The following UGP2 variants were observed in gnomAD, a reference collection of about 807,000 sequenced individuals.
UGP2 encodes the protein UDP-glucose pyrophosphorylase 2, also known as UTP--glucose-1-phosphate uridylyltransferase.
In UGP2, 40 loss-of-function variants were observed where a neutral mutation model predicts 49.0. The observed-to-expected ratio is 0.82, with a 90% CI of 0.63 to 1.06. The LOEUF (loss-of-function observed/expected upper bound fraction) is 1.06, where lower values mean the gene tolerates loss of function less well. Ranked by LOEUF, UGP2 falls within the 50% of genes least tolerant of loss-of-function variation. The probability of loss-of-function intolerance (pLI) is 0.00; values close to 1 mark genes in which losing one functional copy is unlikely to be tolerated. For synonymous variants in UGP2, 225 were observed against 213.0 expected (o/e 1.06, Z -0.49); for missense variants, 460 against 603.5 (o/e 0.76, Z 2.49).
chr2:63,841,571 C>G (rs920125353), upstream of UGP2: 1 of 152,258 alleles, frequency 6.6e-6, no homozygotes, highest in Non-Finnish European at 1.5e-5. Flanking sequence ...CCCGACCGGT[C>G]GGCCAGCCAG....
chr2:63,845,446 G>T (rs989124601), intron 1 of UGP2, among the ~76,000 whole-genome samples: 1 of 146,278 alleles, frequency 6.8e-6, no homozygotes, highest in Non-Finnish European at 1.5e-5. Context: ...AGAACTAAAA[G>T]AAAAAAGGCA....
chr2:63,850,760 T>C (rs776145270), intron 1 of UGP2, among the ~76,000 whole-genome samples: 23 of 152,206 alleles, frequency 1.5e-4, no homozygotes, highest in Non-Finnish European at 2.6e-4. Context: ...TCTATACTTA[T>C]CTTAACTCTG....
intron 1 of UGP2, chr2:63,855,670 T>G (rs1048579565): frequency 1.4e-5 from 6 of 441,588 alleles, no homozygotes; most frequent in Admixed American, 1.2e-4. Context: ...GCCTTCCAAG[T>G]AGCTGGGAAT....
intron 7 of UGP2, among the ~76,000 whole-genome samples, chr2:63,886,854 G>A (rs1016900846): frequency 6.6e-6 from 1 of 152,178 alleles, no homozygotes; most frequent in African/African-American, 2.4e-5. Flanking sequence ...CTTTGCATGA[G>A]TTTTCTGAAC....
intron 1 of UGP2, among the ~76,000 whole-genome samples, chr2:63,849,648 C>T (rs1378504527): frequency 6.6e-6 from 1 of 152,090 alleles, no homozygotes; most frequent in African/African-American, 2.4e-5. Context: ...GTTGAGCTGC[C>T]GGTTTTCATT....
chr2:63,842,649 CT>C, intron 1 of UGP2: 3 of 1,410,164 alleles, frequency 2.1e-6, no homozygotes, highest in Non-Finnish European at 2.8e-6. Flanking sequence ...TCCGCTTCTA[CT>C]TCGTTTGTGT....
At chr2:63,860,572 G>C (rs1406352721) in intron 3 of UGP2, among the ~76,000 whole-genome samples, 1 of 151,928 alleles carries the variant, frequency 6.6e-6, no homozygotes, top group Non-Finnish European at 1.5e-5. Flanking sequence ...CATTTCAGAT[G>C]ATCACTTTTA....
chr2:63,846,135 C>T (rs561336126), intron 1 of UGP2: 14 of 152,332 alleles, frequency 9.2e-5, no homozygotes, highest in African/African-American at 3.4e-4. Flanking sequence ...CTTCCTTGCT[C>T]CAGGGATTGT....
intron 3 of UGP2, among the ~76,000 whole-genome samples, chr2:63,872,028 A>T (rs1047985792): frequency 1.3e-5 from 2 of 152,264 alleles, no homozygotes; most frequent in Non-Finnish European, 2.9e-5. Flanking sequence ...CGTAGACTAT[A>T]TGTAAACGAA....
At chr2:63,879,534 A>G (rs940666029) in intron 3 of UGP2, among the ~76,000 whole-genome samples, 1 of 152,212 alleles carries the variant, frequency 6.6e-6, no homozygotes, top group African/African-American at 2.4e-5. Flanking sequence ...TAATGACAAG[A>G]TGGGTCATAC....
chr2:63,859,380 A>G (rs780299462), intron 3 of UGP2, among the ~76,000 whole-genome samples: 1 of 152,086 alleles, frequency 6.6e-6, no homozygotes, highest in Non-Finnish European at 1.5e-5. Context: ...GACAGAGCCT[A>G]CTTGAAGGAA....
intron 1 of UGP2, among the ~76,000 whole-genome samples, chr2:63,852,118 G>C (rs1308482152): frequency 2.8e-5 from 4 of 142,546 alleles, no homozygotes. Flanking sequence ...TCTGGGCCTG[G>C]TGCCATCTCT....
intron 2 of UGP2, among the ~76,000 whole-genome samples, chr2:63,857,317 G>T (rs1465650396): frequency 6.7e-6 from 1 of 148,662 alleles, no homozygotes. Flanking sequence ...AAAAAAAAAA[G>T]TACAGAGCCA....
In UGP2 at chr2:63,856,298, GT is replaced by G. The variant is rs778704781; in HGVS notation, c.20-4del. The G allele has an allele frequency of 1.9e-6, 3 of 1,608,798 alleles. No individual in the cohort carries two copies. The African/African-American group carries it at 4.0e-5, about 22-fold the overall frequency. ...TTTCAGTTGGTGGTTTTATGTTTTT[GT>G]TTTAAGATCTTAGCAAAGCAATGTC... On this transcript the variant is annotated splice_polypyrimidine_tract_variant and splice_region_variant and intron_variant, in intron 1 of 9. Coordinates refer to ENST00000337130, the MANE Select transcript of UGP2 (RefSeq NM_006759.4).
Position 63,885,827 on chromosome 2 carries a change from A to G in UGP2, c.814A>G (p.Asn272Asp). 1 of 1,604,824 alleles carries G rather than the reference A, an allele frequency of 6.2e-7. No individual in the cohort carries two copies. Among genetic ancestry groups the G allele is most frequent in the African/African-American group, 1.3e-5 (1 of 74,406 alleles). The stretch of plus-strand genomic sequence containing the variant: ...TCTTAATCATCTAATGAACCCACCC[A>G]ATGGAAAACGCTGTGAATTTGTCAT... ...YILNHLMNPP[N>D]GKRCEFVMEV... is the part of the protein sequence containing the mutation. The change falls in exon 6 of 10, where the codon AAT (asparagine) becomes GAT (aspartate). Residue 272 changes from asparagine to aspartate, a missense_variant. Asn to Asp is a conservative substitution (Grantham distance 23). Around this residue, in one of 2 missense-constraint regions of UGP2, gnomAD observed 317 missense variants for 473.0 expected, o/e 0.67. Coordinates refer to ENST00000337130, the MANE Select transcript of UGP2 (RefSeq NM_006759.4).
At chr2:63,858,207 A>G (rs938927668) in intron 3 of UGP2, among the ~76,000 whole-genome samples, 4 of 152,172 alleles carry the variant, frequency 2.6e-5, no homozygotes, top group Non-Finnish European at 5.9e-5. Context: ...GACTTTTGCA[A>G]AGCACTAAAT....
chr2:63,846,361 A>T (rs1353858349), intron 1 of UGP2, among the ~76,000 whole-genome samples: 1 of 152,218 alleles, frequency 6.6e-6, no homozygotes, highest in Non-Finnish European at 1.5e-5. Flanking sequence ...TTGAAACTTA[A>T]TAAATAGTGA....
chr2:63,872,915 A>G (rs113333014), intron 3 of UGP2, among the ~76,000 whole-genome samples: 1 of 152,222 alleles, frequency 6.6e-6, no homozygotes, highest in Non-Finnish European at 1.5e-5. Flanking sequence ...AGTGTCTGTG[A>G]TGCTAGCCAG....
intron 3 of UGP2, among the ~76,000 whole-genome samples, chr2:63,865,932 T>C (rs575348783): frequency 6.6e-6 from 1 of 152,312 alleles, no homozygotes; most frequent in African/African-American, 2.4e-5. Flanking sequence ...TTCATGCTAG[T>C]TATCTTGGTT....
Sources: gnomAD v4.1 joint callset for allele counts (sites outside exome capture counted in the v4.1 genomes callset) on GRCh38, gnomAD v4.1.1 for gene constraint, gnomAD v4.1.1 regional missense constraint, MANE v1.5 for transcripts, NCBI Gene and HGNC (gene_info 2026-07-23, HGNC 2026-07-21) for gene names.